Variants in IKZF1 observed in about 807,000 individuals in gnomAD.
The protein encoded by IKZF1 is DNA-binding protein Ikaros.
Under a neutral mutation model 51.7 loss-of-function variants are expected in IKZF1, and 10 were observed. That is an observed-to-expected ratio of 0.19 (90% confidence interval 0.12 to 0.33). The LOEUF (loss-of-function observed/expected upper bound fraction) is 0.33. Ranked by LOEUF, IKZF1 falls within the 10% of genes least tolerant of loss-of-function variation. IKZF1 has a pLI of 1.00. For missense variants in IKZF1, 484 were observed against 707.5 expected, an observed-to-expected ratio of 0.68 and a Z score of 3.58; for synonymous variants, 280 against 282.3, an observed-to-expected ratio of 0.99 and a Z score of 0.08.
chr7:50,386,802 G>A (rs1014243122), intron 5 of IKZF1, among the ~76,000 whole-genome samples: 1 of 152,022 alleles, frequency 6.6e-6, no homozygotes, highest in Non-Finnish European at 1.5e-5. Flanking sequence ...GCAATAAAAC[G>A]CTTATTTCAT....
chr7:50,398,071 A>G (rs1817178628), intron 7 of IKZF1, among the ~76,000 whole-genome samples: 1 of 152,222 alleles, frequency 6.6e-6, no homozygotes, highest in Non-Finnish European at 1.5e-5. Context: ...TGAATTACAG[A>G]GTAATTTATC....
intron 1 of IKZF1, among the ~76,000 whole-genome samples, chr7:50,311,517 A>T (rs979630011): frequency 6.6e-6 from 1 of 152,252 alleles, no homozygotes; most frequent in South Asian, 2.1e-4. Context: ...GTATGGGTTC[A>T]TAAACAATGG....
At chr7:50,359,169 G>C (rs1343993418) in intron 3 of IKZF1, among the ~76,000 whole-genome samples, 1 of 152,200 alleles carries the variant, frequency 6.6e-6, no homozygotes, top group Admixed American at 6.5e-5. Flanking sequence ...GCTGAGACAG[G>C]AGGATTGCTT....
chr7:50,329,995 A>G (rs1360634286), intron 3 of IKZF1, among the ~76,000 whole-genome samples: 1 of 152,082 alleles, frequency 6.6e-6, no homozygotes, highest in African/African-American at 2.4e-5. Flanking sequence ...TCCCTTACGG[A>G]CGTCATATTG....
chr7:50,314,807 A>G (rs2153350762), intron 1 of IKZF1, among the ~76,000 whole-genome samples: 1 of 152,370 alleles, frequency 6.6e-6, no homozygotes, highest in Admixed American at 6.5e-5. Context: ...TGCTGAAGTC[A>G]GAATGAGTTC....
chr7:50,303,864 G>C (rs1039834718), upstream of IKZF1, among the ~76,000 whole-genome samples: 1 of 147,490 alleles, frequency 6.8e-6, no homozygotes, highest in Non-Finnish European at 1.5e-5. The surrounding 1 kb of genome is among the most constrained non-coding windows in gnomAD (Gnocchi z 4.7). Context: ...CGGCCCGCAC[G>C]TGTCGCCCGC....
chr7:50,353,797 A>T (rs543080298), intron 3 of IKZF1, among the ~76,000 whole-genome samples: 1 of 152,296 alleles, frequency 6.6e-6, no homozygotes, highest in South Asian at 2.1e-4. Flanking sequence ...CAATCCTTTT[A>T]CATATTTCTC....
rs898041448 is a variant in IKZF1 at position 50,401,511 on chromosome 7, G to A, written c.*884G>A. On this transcript the variant is annotated 3_prime_UTR_variant, in exon 8 of 8. Coordinates refer to ENST00000331340, the MANE Select transcript of IKZF1 (RefSeq NM_006060.6). The stretch of plus-strand genomic sequence containing the variant: ...AATTTAAACACCAGTCCCGAAATTT[G>A]GATCTTCTTTCTTTTTGAATCTCTC... 7 of 224,362 alleles carry A rather than the reference G, an allele frequency of 3.1e-5. No homozygotes were observed. The highest frequency in any genetic ancestry group is 1.7e-4 in the Admixed American group (3 of 17,442). The allele number at this position is 224,362 out of a possible 1,614,324, so 13.9% of individuals were successfully genotyped here.
chr7:50,335,936 C>T (rs1345103306), intron 3 of IKZF1, among the ~76,000 whole-genome samples: 1 of 152,002 alleles, frequency 6.6e-6, no homozygotes, highest in African/African-American at 2.4e-5. Flanking sequence ...GGCGCCCCCT[C>T]ACCCGATCCT....
At position 50,400,314 on chromosome 7, in the gene IKZF1, A is replaced by G; in HGVS notation, c.1247A>G (p.Asn416Ser). The change falls in exon 8 of 8, where the codon AAC becomes AGC. Residue 416 changes from asparagine (N) to serine (S), a missense_variant. By Grantham distance (46) the Asn-to-Ser change is conservative (BLOSUM62 1). Coordinates refer to ENST00000331340, the MANE Select transcript of IKZF1 (RefSeq NM_006060.6). The surrounding 1 kb of genome is among the most constrained non-coding windows in gnomAD (Gnocchi z 5.4). ...EQRSGLIYLTNHIAPHARNGL... is the reference protein window; with the variant it reads ...EQRSGLIYLTSHIAPHARNGL... The stretch of plus-strand genomic sequence containing the variant: ...CGCAGCGGTCTCATCTACCTGACCA[A>G]CCACATCGCCCCGCACGCGCGCAAC... 6.2e-7 allele frequency: 1 copy of G among 1,612,680 alleles called. No homozygotes were observed. The highest frequency in any genetic ancestry group is 2.2e-5 in the East Asian group (1 of 44,844).
intron 1 of IKZF1, among the ~76,000 whole-genome samples, chr7:50,305,926 A>G (rs953852465): frequency 2.6e-5 from 4 of 152,250 alleles, no homozygotes; most frequent in Non-Finnish European, 4.4e-5. Flanking sequence ...GGGGACCCAC[A>G]TAGAAATGTC....
At chr7:50,392,383 G>A (rs769092993) in intron 7 of IKZF1, among the ~76,000 whole-genome samples, 2 of 151,732 alleles carry the variant, frequency 1.3e-5, no homozygotes, top group East Asian at 1.9e-4. Flanking sequence ...AATGCTCTGC[G>A]GGATTAAAAA....
chr7:50,368,516 A>G (rs1562844460), intron 3 of IKZF1: 1 of 582,070 alleles, frequency 1.7e-6, no homozygotes, highest in East Asian at 2.8e-5. Context: ...TATTAATTTC[A>G]GAACTGAGAA....
chr7:50,304,269 G>C (rs867656303), upstream of IKZF1: 1 of 149,764 alleles, frequency 6.7e-6, no homozygotes, highest in African/African-American at 2.4e-5. Flanking sequence ...GGGCGGGGAC[G>C]GGACGACGCA....
At chr7:50,397,904 G>A (rs975614984) in intron 7 of IKZF1, among the ~76,000 whole-genome samples, 11 of 152,082 alleles carry the variant, frequency 7.2e-5, no homozygotes, top group Admixed American at 7.2e-4. Context: ...CTGACCACCA[G>A]TAGATGAAAA....
At chr7:50,335,773 G>T (rs1797626347) in intron 3 of IKZF1, among the ~76,000 whole-genome samples, 1 of 151,994 alleles carries the variant, frequency 6.6e-6, no homozygotes, top group South Asian at 2.1e-4. Context: ...TGGTGTGTCT[G>T]TGGTGTATGT....
intron 3 of IKZF1, chr7:50,329,078 A>G (rs918804367): frequency 6.6e-6 from 1 of 151,604 alleles, no homozygotes; most frequent in African/African-American, 2.4e-5. Context: ...ATCTCAAAAA[A>G]AAAAAAAAAA....
At position 50,376,593 on chromosome 7, in the gene IKZF1, A is replaced by G; in HGVS notation, c.221A>G (p.Asn74Ser). 1 of 1,613,968 alleles carries G rather than the reference A, an allele frequency of 6.2e-7. No individual in the cohort carries two copies. The highest frequency in any genetic ancestry group is 1.1e-5 in the South Asian group (1 of 91,078). ...GAGAATGGGCGTGCCTGTGAAATGA[A>G]TGGGGAAGAATGTGCGGAGGATTTA... ...DEENGRACEM[N>S]GEECAEDLRM... The change falls in exon 4 of 8, where the codon AAT becomes AGT. Residue 74 changes from asparagine to serine, a missense_variant. This residue lies in a region of IKZF1 where 118 missense variants were observed against 138.4 expected (regional missense o/e 0.85). Transcript: ENST00000331340. This position sits in a 1 kb window ranked among gnomAD's most constrained non-coding sequence, Gnocchi z 4.5.
At chr7:50,345,423 T>C (rs1800104930) in intron 3 of IKZF1, among the ~76,000 whole-genome samples, 1 of 152,172 alleles carries the variant, frequency 6.6e-6, no homozygotes, top group Admixed American at 6.5e-5. Flanking sequence ...CTAAACAAAC[T>C]GCAGAGACCT....
Sources: allele counts gnomAD v4.1 joint callset (sites outside exome capture counted in the v4.1 genomes callset), GRCh38; gene constraint gnomAD v4.1.1; regional missense constraint gnomAD v4.1.1; non-coding constraint Gnocchi (gnomAD v3.1); transcripts MANE v1.5; gene names NCBI Gene and HGNC (gene_info 2026-07-23, HGNC 2026-07-21).